The following MED13L variants were observed in gnomAD, a reference collection of about 807,000 sequenced individuals.
MED13L encodes the protein mediator of RNA polymerase II transcription subunit 13-like.
In MED13L, 7 loss-of-function variants were observed where a neutral mutation model predicts 220.9. The ratio of observed to expected loss-of-function variants is 0.03; its 90% CI spans 0.02 to 0.06. The LOEUF (loss-of-function observed/expected upper bound fraction) is 0.06. Among genes scored for constraint, MED13L ranks in the 10% least tolerant of loss-of-function variants. MED13L has a pLI of 1.00. For synonymous variants in MED13L, 1,011 were observed against 1,015.2 expected (o/e 1.00, Z 0.08); for missense variants, 1,965 against 2,760.5 (o/e 0.71, Z 6.46).
At chr12:116,195,249 A>C in intron 2 of MED13L, among the ~76,000 whole-genome samples, 1 of 151,990 alleles carries the variant, frequency 6.6e-6, no homozygotes, top group Non-Finnish European at 1.5e-5. Context: ...CTCTGCTGCC[A>C]ATCTAAGACC....
chr12:116,241,025 T>C lies in MED13L; in HGVS notation c.73-3320A>G, dbSNP rs528594804. Among the ~76,000 whole-genome samples, 9 of 151,722 alleles carry C rather than the reference T, an allele frequency of 5.9e-5. No homozygotes were observed. The South Asian group carries it at 1.5e-3, about 25-fold the overall frequency. On this transcript the variant is annotated intron_variant, in intron 1 of 30. Coordinates refer to ENST00000281928, the MANE Select transcript of MED13L (RefSeq NM_015335.5). ...AAAGAAGGTAATAAAAACACACCAA[T>C]AGGCCAGGCGCAGTGGCTCACGCCT...
chr12:116,243,600 C>T (rs763652478), intron 1 of MED13L, among the ~76,000 whole-genome samples: 11 of 151,744 alleles, frequency 7.2e-5, no homozygotes, highest in Non-Finnish European at 1.3e-4. Context: ...TATTTATTTG[C>T]AGTGACCCAC....
intron 4 of MED13L, among the ~76,000 whole-genome samples, chr12:116,064,747 C>G (rs1420845450): frequency 6.6e-6 from 1 of 152,188 alleles, no homozygotes. Context: ...GCTTCTTCTC[C>G]TTACAGCTCT....
intron 4 of MED13L, among the ~76,000 whole-genome samples, chr12:116,095,525 G>C (rs1872573600): frequency 6.6e-6 from 1 of 152,194 alleles, no homozygotes; most frequent in South Asian, 2.1e-4. Flanking sequence ...TTAAGTCTCT[G>C]CTAGAAACTA....
chr12:116,144,873 C>G (rs912700656), intron 2 of MED13L, among the ~76,000 whole-genome samples: 1 of 152,186 alleles, frequency 6.6e-6, no homozygotes, highest in Non-Finnish European at 1.5e-5. Flanking sequence ...AAAATTTATG[C>G]TACAACACCG....
chr12:116,110,822 A>G (rs1874018765), intron 3 of MED13L, among the ~76,000 whole-genome samples: 1 of 152,208 alleles, frequency 6.6e-6, no homozygotes. Context: ...GAATTTAAGC[A>G]TGAGAAAACT....
chr12:116,188,657 T>C (rs1387680792), intron 2 of MED13L, among the ~76,000 whole-genome samples: 1 of 152,164 alleles, frequency 6.6e-6, no homozygotes, highest in Non-Finnish European at 1.5e-5. Context: ...ATATTGACAC[T>C]GATATGGTCA....
At chr12:116,062,558 G>A (rs1869596271) in intron 4 of MED13L, among the ~76,000 whole-genome samples, 1 of 147,836 alleles carries the variant, frequency 6.8e-6, no homozygotes. Flanking sequence ...CGCGATCTTG[G>A]CTCACTGCAA....
At chr12:116,148,509 A>C in intron 2 of MED13L, 1 of 319,672 alleles carries the variant, frequency 3.1e-6, no homozygotes, top group Non-Finnish European at 6.9e-6. Context: ...AACCAGCTAA[A>C]GATAAAATCA....
intron 1 of MED13L, among the ~76,000 whole-genome samples, chr12:116,246,506 G>A (rs1871107242): frequency 6.6e-6 from 1 of 151,398 alleles, no homozygotes; most frequent in African/African-American, 2.4e-5. Context: ...CTGTGGGGAT[G>A]AGTTAAGTTT....
chr12:116,131,057 T>C (rs1876027063), intron 2 of MED13L, among the ~76,000 whole-genome samples: 1 of 152,202 alleles, frequency 6.6e-6, no homozygotes, highest in South Asian at 2.1e-4. Flanking sequence ...ATTGTGGGCT[T>C]GGTTTTCAGG....
chr12:116,249,764 A>G (rs1871360754), intron 1 of MED13L, among the ~76,000 whole-genome samples: 1 of 138,236 alleles, frequency 7.2e-6, no homozygotes, highest in Non-Finnish European at 1.6e-5. Flanking sequence ...AAAAAAAGTC[A>G]GGGCTTTAAA....
At chr12:116,082,795 A>G (rs1871323009) in intron 4 of MED13L, 1 of 152,256 alleles carries the variant, frequency 6.6e-6, no homozygotes, top group Non-Finnish European at 1.5e-5. Flanking sequence ...ACATATGAAT[A>G]TAAGACCAAA....
In MED13L at chr12:116,088,838, C is replaced by T. The variant is rs141676264; in HGVS notation, c.479+7831G>A. On this transcript the variant is annotated intron_variant, in intron 4 of 30. Transcript: ENST00000281928. ...AAAAGAAAAGGCCAAATCAACAACA[C>T]GTTCAAAGATAACAGAATCCAGTCT... 7.6e-3 allele frequency among the ~76,000 whole-genome samples: 1,152 copies of T among 151,032 alleles called. 21 individuals carry two copies. Among genetic ancestry groups the T allele is most frequent in the African/African-American group, 0.026 (1,083 of 41,246 alleles).
chr12:116,267,009 AG>A (rs1416815636), intron 1 of MED13L, among the ~76,000 whole-genome samples: 1 of 152,252 alleles, frequency 6.6e-6, no homozygotes, highest in Non-Finnish European at 1.5e-5. Flanking sequence ...TTAGTCTTTA[AG>A]AAGAAAAATA....
intron 4 of MED13L, among the ~76,000 whole-genome samples, chr12:116,089,550 A>T (rs923736800): frequency 6.6e-6 from 1 of 152,226 alleles, no homozygotes; most frequent in South Asian, 2.1e-4. Flanking sequence ...ACAGGAATTC[A>T]TAAGTAATAA....
chr12:116,185,459 T>A (rs1880819866), intron 2 of MED13L, among the ~76,000 whole-genome samples: 1 of 151,972 alleles, frequency 6.6e-6, no homozygotes, highest in African/African-American at 2.4e-5. Flanking sequence ...TGTAAGACTA[T>A]AACTGCTATT....
chr12:116,198,629 A>G (rs541036247), intron 2 of MED13L, among the ~76,000 whole-genome samples: 2 of 152,300 alleles, frequency 1.3e-5, no homozygotes, highest in East Asian at 3.9e-4. Context: ...CTATCAGTTA[A>G]TGTTGCCATA....
rs565619421 is a variant in MED13L at position 115,978,176 on chromosome 12, G to A, written c.5365-2438C>T. ...AGAGACAGCAAGTAGACCAGTGGTT[G>A]CCAAGGACTGGAGTGGGGAATGAGT... On this transcript the variant is annotated intron_variant, in intron 23 of 30. Coordinates refer to ENST00000281928, the MANE Select transcript of MED13L (RefSeq NM_015335.5). Among the ~76,000 whole-genome samples, 5 of 152,230 alleles carry A rather than the reference G, an allele frequency of 3.3e-5. No individual in the cohort carries two copies. In the East Asian group the frequency reaches 9.6e-4, roughly 29 times the overall value.
Sources: gnomAD v4.1 joint callset for allele counts (sites outside exome capture counted in the v4.1 genomes callset) on GRCh38, gnomAD v4.1.1 for gene constraint, MANE v1.5 for transcripts, NCBI Gene and HGNC (gene_info 2026-07-23, HGNC 2026-07-21) for gene names.